Variants in ELOVL7 observed in about 807,000 individuals in gnomAD.
ELOVL7 encodes the protein ELOVL fatty acid elongase 7.
A neutral mutation model predicts 35.7 loss-of-function variants in ELOVL7; 27 were observed. The observed-to-expected ratio is 0.76, with a 90% CI of 0.56 to 1.04. ELOVL7 has a LOEUF of 1.04. ELOVL7 is among the 50% of genes least tolerant of loss of function. The pLI is 0.00. For synonymous variants in ELOVL7, 113 were observed against 114.6 expected (o/e 0.99, Z 0.09); for missense variants, 327 against 340.8 (o/e 0.96, Z 0.32).
chr5:60,788,872 G>A (rs931564832), intron 2 of ELOVL7, among the ~76,000 whole-genome samples: 9 of 152,158 alleles, frequency 5.9e-5, no homozygotes, highest in Non-Finnish European at 1.3e-4. Flanking sequence ...TTTTACTTAC[G>A]TAAGTATAGG....
intron 1 of ELOVL7, among the ~76,000 whole-genome samples, chr5:60,831,076 T>C (rs1746456015): frequency 6.6e-6 from 1 of 152,192 alleles, no homozygotes. Flanking sequence ...ATTACATAAA[T>C]GAATGAATAC....
At chr5:60,794,923 A>C (rs1282271093) in intron 2 of ELOVL7, among the ~76,000 whole-genome samples, 1 of 152,184 alleles carries the variant, frequency 6.6e-6, no homozygotes, top group African/African-American at 2.4e-5. Flanking sequence ...TAACCTTCCT[A>C]TGGGAAGATT....
chr5:60,809,710 T>C (rs530055477), intron 1 of ELOVL7, among the ~76,000 whole-genome samples: 2 of 152,350 alleles, frequency 1.3e-5, no homozygotes, highest in South Asian at 4.1e-4. Flanking sequence ...TGTATATGCC[T>C]AAGGCAAAAG....
At chr5:60,766,422 A>C (rs562975355) in intron 6 of ELOVL7, 152 bp downstream of exon 6, 833 of 586,182 alleles carry the variant, frequency 1.4e-3, no homozygotes, top group Non-Finnish European at 2.1e-3. Context: ...AAGGTAAAAA[A>C]GATAACAGTA....
intron 8 of ELOVL7, among the ~76,000 whole-genome samples, chr5:60,757,140 G>A (rs1424640834): frequency 4.6e-5 from 7 of 152,052 alleles, no homozygotes; most frequent in South Asian, 2.1e-4. Flanking sequence ...AAGGCTCATC[G>A]TTCCCTCAAA....
intron 2 of ELOVL7, among the ~76,000 whole-genome samples, chr5:60,788,390 G>A (rs986543433): frequency 2.0e-5 from 3 of 151,916 alleles, no homozygotes; most frequent in Admixed American, 1.3e-4. Flanking sequence ...TTAATGCCAC[G>A]GAAATTCACA....
chr5:60,807,134 A>G (rs967825266), intron 1 of ELOVL7, among the ~76,000 whole-genome samples: 5 of 152,152 alleles, frequency 3.3e-5, no homozygotes, highest in Non-Finnish European at 4.4e-5. Flanking sequence ...ACATCGGAGG[A>G]GAAGCAAACA....
At position 60,758,070 on chromosome 5, in the gene ELOVL7, A is replaced by T. The variant is rs191868895; in HGVS notation, c.500-425T>A. On this transcript the variant is annotated intron_variant, in intron 7 of 8. Transcript: ENST00000508821. ...TACACCCATGTCACTACCAAGATCA[A>T]GATACAGAACATTTCCAACACCACA... Among the ~76,000 whole-genome samples the T allele has an allele frequency of 3.9e-5, 6 of 152,312 alleles. No homozygotes were observed. The East Asian group carries it at 1.2e-3, about 29-fold the overall frequency.
chr5:60,761,298 A>C (rs1741895289), intron 7 of ELOVL7, among the ~76,000 whole-genome samples: 1 of 152,140 alleles, frequency 6.6e-6, no homozygotes, highest in Admixed American at 6.6e-5. Flanking sequence ...CTACCACAGA[A>C]ATATCTTCAT....
intron 1 of ELOVL7, among the ~76,000 whole-genome samples, chr5:60,822,783 A>T (rs1183019045): frequency 1.3e-5 from 2 of 152,228 alleles, no homozygotes; most frequent in Non-Finnish European, 2.9e-5. Flanking sequence ...AGTCAAAAAG[A>T]CATGAGGAGA....
intron 3 of ELOVL7, among the ~76,000 whole-genome samples, chr5:60,774,414 T>C (rs920198981): frequency 6.6e-6 from 1 of 152,140 alleles, no homozygotes; most frequent in African/African-American, 2.4e-5. Context: ...ATTATCCCAA[T>C]AGATGCAGAA....
intron 2 of ELOVL7, among the ~76,000 whole-genome samples, chr5:60,791,147 T>C (rs1276157349): frequency 1.3e-5 from 2 of 152,092 alleles, no homozygotes; most frequent in African/African-American, 4.8e-5. Flanking sequence ...TAGCTAATTG[T>C]TTTATTTTTT....
chr5:60,823,027 T>C (rs759056421), intron 1 of ELOVL7, among the ~76,000 whole-genome samples: 6 of 152,274 alleles, frequency 3.9e-5, no homozygotes, highest in Non-Finnish European at 7.4e-5. Context: ...GAACAGGTCT[T>C]GTTCACGAAG....
intron 3 of ELOVL7, among the ~76,000 whole-genome samples, chr5:60,774,826 C>T (rs534619449): frequency 6.0e-5 from 9 of 149,134 alleles, no homozygotes; most frequent in Non-Finnish European, 1.3e-4. Flanking sequence ...AATGCAATGG[C>T]ATGATCTTGG....
intron 1 of ELOVL7, among the ~76,000 whole-genome samples, chr5:60,817,515 A>G (rs1745580240): frequency 6.6e-6 from 1 of 150,618 alleles, no homozygotes. Flanking sequence ...TACAACCTCT[A>G]TGGGAGTGAT....
chr5:60,793,311 T>G (rs1033825433), intron 2 of ELOVL7, among the ~76,000 whole-genome samples: 4 of 151,984 alleles, frequency 2.6e-5, no homozygotes, highest in African/African-American at 9.7e-5. Flanking sequence ...ACTGCTACAG[T>G]TTTTTTTGCC....
chr5:60,793,255 C>T (rs1170153851), intron 2 of ELOVL7, among the ~76,000 whole-genome samples: 2 of 152,132 alleles, frequency 1.3e-5, no homozygotes, highest in Non-Finnish European at 2.9e-5. Flanking sequence ...GTAACATGAA[C>T]ATGCAATTTC....
chr5:60,825,718 C>T (rs1010164783), intron 1 of ELOVL7, among the ~76,000 whole-genome samples: 1 of 152,036 alleles, frequency 6.6e-6, no homozygotes, highest in African/African-American at 2.4e-5. Flanking sequence ...ACTGGGGATA[C>T]AAGAGAACTG....
intron 1 of ELOVL7, among the ~76,000 whole-genome samples, chr5:60,827,893 A>T (rs1375590454): frequency 6.6e-6 from 1 of 151,790 alleles, no homozygotes; most frequent in Non-Finnish European, 1.5e-5. Context: ...GCACACCCAG[A>T]ATCTCTCCTT....
Sources: gnomAD v4.1 joint callset for allele counts (sites outside exome capture counted in the v4.1 genomes callset) on GRCh38, gnomAD v4.1.1 for gene constraint, MANE v1.5 for transcripts, NCBI Gene and HGNC (gene_info 2026-07-23, HGNC 2026-07-21) for gene names.